Variants in CHRNA1 observed in about 807,000 individuals in gnomAD.
CHRNA1 encodes the protein acetylcholine receptor subunit alpha.
In CHRNA1, 35 loss-of-function variants were observed where a neutral mutation model predicts 47.1. The ratio of observed to expected loss-of-function variants is 0.74; its 90% confidence interval spans 0.57 to 0.99. CHRNA1 has a LOEUF of 0.99. Among genes scored for constraint, CHRNA1 ranks in the 50% least tolerant of loss-of-function variants. CHRNA1 has a pLI of 0.00. For missense variants in CHRNA1, 506 were observed against 591.1 expected, an observed-to-expected ratio of 0.86 and a Z score of 1.49; for synonymous variants, 229 against 223.6, an observed-to-expected ratio of 1.02 and a Z score of -0.22.
At chr2:174,763,980 A>G (rs1684143336) in intron 1 of CHRNA1, among the ~76,000 whole-genome samples, 1 of 152,122 alleles carries the variant, frequency 6.6e-6, no homozygotes, top group African/African-American at 2.4e-5. Context: ...GCACTGTTCT[A>G]AGTATCCATA....
Position 174,748,275 on chromosome 2 carries a change from TAGAC to T in CHRNA1, c.1243-24_1243-21del, listed in dbSNP as rs748514157. On this transcript the variant is annotated intron_variant, in intron 8 of 8. Coordinates refer to ENST00000348749, the MANE Select transcript of CHRNA1 (RefSeq NM_000079.4). ...CGCCGCCTGGGAGAGAGGAAAATGT[TAGAC>T]AGAGTCTCCCTAAGGTGGTTTCTGG... is the stretch of plus-strand genomic sequence containing the variant. 3.7e-6 allele frequency: 6 copies of T among 1,613,808 alleles called. No individual in the cohort carries two copies. The highest frequency in any genetic ancestry group is 2.7e-5 in the African/African-American group (2 of 75,056).
chr2:174,763,398 G>A (rs1054945518), intron 1 of CHRNA1, among the ~76,000 whole-genome samples: 1 of 151,828 alleles, frequency 6.6e-6, no homozygotes, highest in African/African-American at 2.4e-5. Context: ...AATCCCACAT[G>A]ATATAATTTA....
chr2:174,763,883 A>T (rs1232839104), intron 1 of CHRNA1, among the ~76,000 whole-genome samples: 1 of 152,190 alleles, frequency 6.6e-6, no homozygotes, highest in Non-Finnish European at 1.5e-5. Flanking sequence ...TCTCCAGCAC[A>T]TGTAGCTGTC....
chr2:174,753,457 G>A lies in CHRNA1; in HGVS notation c.778+46C>T, dbSNP rs367631396. The A allele has an allele frequency of 5.4e-5, 83 of 1,538,402 alleles. No homozygotes were observed. In the African/African-American group the frequency reaches 8.3e-4, roughly 15 times the overall value. On this transcript the variant is annotated intron_variant, in intron 6 of 8. Transcript: ENST00000348749. ...TCTGGCTTCCCCAAAATAGCAGCACGAGACCCATCAGCGTCAGCAGCAGCA... is the reference window on the plus strand; with the variant it reads ...TCTGGCTTCCCCAAAATAGCAGCACAAGACCCATCAGCGTCAGCAGCAGCA...
intron 1 of CHRNA1, among the ~76,000 whole-genome samples, chr2:174,763,615 T>C (rs1684137203): frequency 6.6e-6 from 1 of 152,210 alleles, no homozygotes; most frequent in Non-Finnish European, 1.5e-5. Flanking sequence ...TGTTTCCCTC[T>C]AGCGGAAGTC....
chr2:174,752,969 A>C, intron 6 of CHRNA1: 1 of 183,970 alleles, frequency 5.4e-6, no homozygotes. Flanking sequence ...AGTAGGAGGT[A>C]AGTAAGTTGT....
chr2:174,761,916 G>A (rs1374760226), intron 1 of CHRNA1, among the ~76,000 whole-genome samples: 1 of 152,160 alleles, frequency 6.6e-6, no homozygotes, highest in African/African-American at 2.4e-5. Flanking sequence ...CTTGCCTTGG[G>A]CTGCTTATTT....
At position 174,750,078 on chromosome 2, in the gene CHRNA1, A is replaced by G. The variant is rs142633480; in HGVS notation, c.870T>C (p.Ala290=). 3 of 1,614,134 alleles carry G rather than the reference A, an allele frequency of 1.9e-6. No individual in the cohort carries two copies. The highest frequency in any genetic ancestry group is 2.5e-6 in the Non-Finnish European group (3 of 1,180,022). The change falls in exon 7 of 9, where the codon GCT becomes GCC. Residue 290 remains alanine (A), a synonymous_variant. Coordinates refer to ENST00000348749, the MANE Select transcript of CHRNA1 (RefSeq NM_000079.4). Reference sequence around the variant, plus strand: ...GCATGTATTTTCCAATCAAGGGCACAGCACTGGACGTGGAGGGGATCAGCT... The same window carrying G: ...GCATGTATTTTCCAATCAAGGGCACGGCACTGGACGTGGAGGGGATCAGCT... ...IVELIPSTSS[A]VPLIGKYMLF...
chr2:174,747,646 CCAAAT>C lies in CHRNA1; in HGVS notation c.*473_*477del, dbSNP rs919355044. The C allele has an allele frequency of 5.9e-6, 1 of 170,392 alleles. No individual in the cohort carries two copies. The highest frequency in any genetic ancestry group is 2.4e-5 in the African/African-American group (1 of 41,610). 10.6% of individuals were successfully genotyped at this position (170,392 alleles called of 1,614,324 possible). On this transcript the variant is annotated 3_prime_UTR_variant, in exon 9 of 9. Transcript: ENST00000348749. ...TTCATTTCTACTGCTTCCTCTCTCT[CCAAAT>C]CAAATGCCTTATCTCTTTAGGACTG...
intron 6 of CHRNA1, 119 bp from the exon 7 acceptor site, chr2:174,750,288 T>G: frequency 1.3e-6 from 1 of 757,446 alleles, no homozygotes; most frequent in East Asian, 2.7e-5. Flanking sequence ...CCTAAGAATG[T>G]GACTGTATTT....
At position 174,764,438 on chromosome 2, in the gene CHRNA1, T is replaced by C; in HGVS notation, c.-44A>G. The C allele has an allele frequency of 6.3e-7, 1 of 1,595,758 alleles. No homozygotes were observed. The highest frequency in any genetic ancestry group is 8.6e-7 in the Non-Finnish European group (1 of 1,167,318). On this transcript the variant is annotated 5_prime_UTR_variant, in exon 1 of 9. Coordinates refer to ENST00000348749, the MANE Select transcript of CHRNA1 (RefSeq NM_000079.4). ...TGGACCAGGGCAGAGTGGTGGCCTG[T>C]GCTTCTCACTGGCACTCTGGCTGGG...
In CHRNA1 at chr2:174,758,133, G is replaced by C. The variant is rs13391348; in HGVS notation, c.235-458C>G. 225 of 1,507,644 alleles carry C rather than the reference G, an allele frequency of 1.5e-4. 2 individuals are homozygous for C. In the African/African-American group the frequency reaches 2.9e-3, roughly 20 times the overall value. 93.4% of individuals were successfully genotyped at this position (1,507,644 alleles called of 1,614,324 possible). ...TCTACATTATAAAAGTAAAGTCTGG[G>C]CATGGTGGCTCATGCCTGTAATCCC... On this transcript the variant is annotated intron_variant, in intron 3 of 8. Transcript: ENST00000348749.
Position 174,757,683 on chromosome 2 carries a change from C to A in CHRNA1, c.235-8G>T, listed in dbSNP as rs970536281. 17 of 1,607,926 alleles carry A rather than the reference C, an allele frequency of 1.1e-5. No individual in the cohort carries two copies. Among genetic ancestry groups the A allele is most frequent in the Non-Finnish European group, 1.4e-5 (16 of 1,174,546 alleles). On this transcript the variant is annotated splice_polypyrimidine_tract_variant and splice_region_variant and intron_variant, in intron 3 of 8. Coordinates refer to ENST00000348749, the MANE Select transcript of CHRNA1 (RefSeq NM_000079.4). Reference sequence around the variant, plus strand: ...GTTGTAATCCACCCATTGCTAGAAACAAAGACATACAGCTAATTAAAAAGC... The same window carrying A: ...GTTGTAATCCACCCATTGCTAGAAAAAAAGACATACAGCTAATTAAAAAGC...
chr2:174,761,927 T>C (rs1684108421), intron 1 of CHRNA1, among the ~76,000 whole-genome samples: 1 of 152,220 alleles, frequency 6.6e-6, no homozygotes, highest in African/African-American at 2.4e-5. Flanking sequence ...CTGCTTATTT[T>C]TAAATGACTG....
chr2:174,760,770 A>G (rs1429391170), intron 1 of CHRNA1, among the ~76,000 whole-genome samples: 1 of 152,210 alleles, frequency 6.6e-6, no homozygotes, highest in Non-Finnish European at 1.5e-5. Context: ...TCCATGTCCC[A>G]GTTAAGTTGT....
chr2:174,756,338 A>G (rs939783312), intron 4 of CHRNA1, among the ~76,000 whole-genome samples: 2 of 152,226 alleles, frequency 1.3e-5, no homozygotes, highest in Non-Finnish European at 2.9e-5. Flanking sequence ...TTTCAGGGAC[A>G]TCATGGCATA....
In CHRNA1 at chr2:174,748,828, A is replaced by T. The variant is rs769523120; in HGVS notation, c.1003-9T>A. The T allele has an allele frequency of 9.3e-6, 15 of 1,613,612 alleles. No individual in the cohort carries two copies. The East Asian group carries it at 3.3e-4, about 36-fold the overall frequency. The stretch of plus-strand genomic sequence containing the variant: ...ATAGTGTCGATAAAAACCTAACATA[A>T]AAAAGAAATCCATGCATGAGAATTA... On this transcript the variant is annotated splice_polypyrimidine_tract_variant and intron_variant, in intron 7 of 8. Coordinates refer to ENST00000348749, the MANE Select transcript of CHRNA1 (RefSeq NM_000079.4).
intron 6 of CHRNA1, 131 bp downstream of exon 6, chr2:174,753,372 T>C: frequency 1.0e-6 from 1 of 952,610 alleles, no homozygotes; most frequent in South Asian, 1.3e-5. Flanking sequence ...ACTCAGCAAA[T>C]GCACCCTCCT....
chr2:174,752,286 G>T (rs57956832), intron 6 of CHRNA1, among the ~76,000 whole-genome samples: 9,336 of 152,094 alleles, frequency 0.061, 351 homozygotes, highest in South Asian at 0.21. Flanking sequence ...AAAAACAAGT[G>T]CAGGGCAGGC....
Sources: gnomAD v4.1 joint callset for allele counts (sites outside exome capture counted in the v4.1 genomes callset) on GRCh38, gnomAD v4.1.1 for gene constraint, MANE v1.5 for transcripts, NCBI Gene and HGNC (gene_info 2026-07-23, HGNC 2026-07-21) for gene names.